HTR1E: variants seen among roughly 807,000 people sequenced by gnomAD.
The protein encoded by HTR1E is 5-hydroxytryptamine receptor 1E, also known as 5-HT-1E.
HTR1E carries 3 observed loss-of-function variants against 3.4 expected under a neutral mutation model. The ratio of observed to expected loss-of-function variants is 0.89; its 90% CI spans 0.41 to 2.31. The LOEUF is 2.31. Ranked by LOEUF, HTR1E falls within the 30% of genes most tolerant of loss-of-function variation. The probability of loss-of-function intolerance (pLI) is 0.05; values close to 1 mark genes in which losing one functional copy is unlikely to be tolerated. For missense variants in HTR1E, 392 were observed against 467.0 expected, an observed-to-expected ratio of 0.84 and a Z score of 1.48; for synonymous variants, 170 against 182.8, an observed-to-expected ratio of 0.93 and a Z score of 0.56.
chr6:87,013,994 G>T (rs1376253603), intron 1 of HTR1E, among the ~76,000 whole-genome samples: 1 of 152,042 alleles, frequency 6.6e-6, no homozygotes. Flanking sequence ...ATCATTCTGA[G>T]CAAACTATCG....
chr6:86,978,303 T>C (rs1582269494), intron 1 of HTR1E, among the ~76,000 whole-genome samples: 1 of 152,316 alleles, frequency 6.6e-6, no homozygotes, highest in East Asian at 1.9e-4. Context: ...AGTCAGCACA[T>C]GACACTGTTC....
In HTR1E at chr6:87,015,682, T is replaced by C. The variant is rs1435344115; in HGVS notation, c.348T>C (p.Ile116=). 1 of 1,613,962 alleles carries C rather than the reference T, an allele frequency of 6.2e-7. No individual in the cohort carries two copies. Among genetic ancestry groups the C allele is most frequent in the Admixed American group, 1.7e-5 (1 of 59,990 alleles). The change falls in exon 2 of 2, where the codon ATT becomes ATC. Residue 116 remains isoleucine, a synonymous_variant. Transcript: ENST00000305344. ...CTCSILHLCV[I]ALDRYWAITN... ...GCTCCATCCTCCACCTCTGTGTCAT[T>C]GCCCTGGACAGGTACTGGGCCATCA...
chr6:86,951,151 C>T (rs1202063223), intron 1 of HTR1E, among the ~76,000 whole-genome samples: 2 of 152,130 alleles, frequency 1.3e-5, no homozygotes, highest in Non-Finnish European at 2.9e-5. Context: ...GCTGATAACA[C>T]AAACAAGAGT....
chr6:86,975,473 G>A (rs895922832), intron 1 of HTR1E, among the ~76,000 whole-genome samples: 2 of 151,684 alleles, frequency 1.3e-5, no homozygotes, highest in Admixed American at 6.6e-5. Context: ...CTCCCCTACC[G>A]CTCCATCTAT....
chr6:86,964,774 A>C (rs1767452594), intron 1 of HTR1E, among the ~76,000 whole-genome samples: 1 of 152,216 alleles, frequency 6.6e-6, no homozygotes, highest in South Asian at 2.1e-4. Context: ...AATGTTTATT[A>C]ATTCTTAAGG....
intron 1 of HTR1E, among the ~76,000 whole-genome samples, chr6:86,956,723 G>C (rs1562060669): frequency 2.0e-5 from 3 of 152,006 alleles, no homozygotes; most frequent in Non-Finnish European, 4.4e-5. Context: ...TAAATTGATT[G>C]AGAAAAAAAA....
intron 1 of HTR1E, among the ~76,000 whole-genome samples, chr6:86,978,541 C>A (rs1767669695): frequency 6.6e-6 from 1 of 152,094 alleles, no homozygotes; most frequent in East Asian, 1.9e-4. Context: ...TGAGTCACCA[C>A]CCTGACCAAA....
intron 1 of HTR1E, among the ~76,000 whole-genome samples, chr6:87,006,251 A>G (rs1398507068): frequency 1.3e-5 from 2 of 152,196 alleles, no homozygotes; most frequent in Non-Finnish European, 2.9e-5. Context: ...AGGAAAGAAA[A>G]TCAATATATT....
intron 1 of HTR1E, among the ~76,000 whole-genome samples, chr6:86,971,797 G>A (rs938259678): frequency 3.9e-5 from 6 of 152,062 alleles, no homozygotes; most frequent in Non-Finnish European, 7.4e-5. Flanking sequence ...AGATTCCATC[G>A]CCCAAGTAGC....
chr6:86,997,381 T>C (rs1767954935), intron 1 of HTR1E, among the ~76,000 whole-genome samples: 1 of 148,206 alleles, frequency 6.7e-6, no homozygotes, highest in Non-Finnish European at 1.5e-5. Flanking sequence ...AAGACATACA[T>C]ATGAGAAAGA....
chr6:87,005,164 C>G (rs1458703250), intron 1 of HTR1E, among the ~76,000 whole-genome samples: 1 of 152,042 alleles, frequency 6.6e-6, no homozygotes, highest in Non-Finnish European at 1.5e-5. Context: ...CCATACTACA[C>G]AAAGCAATCT....
chr6:86,964,953 A>G (rs1562062629), intron 1 of HTR1E, among the ~76,000 whole-genome samples: 1 of 152,216 alleles, frequency 6.6e-6, no homozygotes, highest in Non-Finnish European at 1.5e-5. Flanking sequence ...AATTTATTGA[A>G]CTTCATTCAC....
intron 1 of HTR1E, among the ~76,000 whole-genome samples, chr6:87,010,320 C>T (rs1768195428): frequency 9.5e-6 from 1 of 104,974 alleles, no homozygotes; most frequent in Non-Finnish European, 1.8e-5. Context: ...GGGGGCTGAC[C>T]CCCCCCACCT....
At chr6:86,996,283 C>T (rs865866818) in intron 1 of HTR1E, among the ~76,000 whole-genome samples, 5 of 152,080 alleles carry the variant, frequency 3.3e-5, no homozygotes, top group Middle Eastern at 3.2e-3. Flanking sequence ...TGGAACCCAA[C>T]TAGAAATCAA....
intron 1 of HTR1E, among the ~76,000 whole-genome samples, chr6:86,980,720 T>C (rs564079694): frequency 6.6e-6 from 1 of 152,362 alleles, no homozygotes; most frequent in Non-Finnish European, 1.5e-5. Flanking sequence ...GCAAAAATAT[T>C]CTTCTAGTTT....
At chr6:87,003,176 A>G (rs910301208) in intron 1 of HTR1E, among the ~76,000 whole-genome samples, 1 of 152,198 alleles carries the variant, frequency 6.6e-6, no homozygotes, top group African/African-American at 2.4e-5. Flanking sequence ...AAGGAATTCT[A>G]AAGACCATAC....
chr6:86,959,033 G>A (rs1582260844), intron 1 of HTR1E, among the ~76,000 whole-genome samples: 1 of 151,944 alleles, frequency 6.6e-6, no homozygotes, highest in African/African-American at 2.4e-5. Flanking sequence ...CAGTTGTGGA[G>A]CCTGGCAAGT....
At chr6:87,013,324 T>G (rs1192324200) in intron 1 of HTR1E, among the ~76,000 whole-genome samples, 1 of 152,208 alleles carries the variant, frequency 6.6e-6, no homozygotes, top group African/African-American at 2.4e-5. Context: ...ACCAGTTTGG[T>G]TTAGAGTAAT....
intron 1 of HTR1E, among the ~76,000 whole-genome samples, chr6:87,003,063 CAT>C (rs1045329095): frequency 6.6e-6 from 1 of 152,080 alleles, no homozygotes; most frequent in African/African-American, 2.4e-5. Flanking sequence ...AAGGATAGAC[CAT>C]ATGTTAGACA....
Sources: gnomAD v4.1 joint callset for allele counts (sites outside exome capture counted in the v4.1 genomes callset) on GRCh38, gnomAD v4.1.1 for gene constraint, MANE v1.5 for transcripts, NCBI Gene and HGNC (gene_info 2026-07-23, HGNC 2026-07-21) for gene names.